Variants in DST observed in about 807,000 individuals in gnomAD.
DST encodes bullous pemphigoid antigen.
Under a neutral mutation model 875.2 loss-of-function variants are expected in DST, and 253 were observed. The observed-to-expected ratio is 0.29, with a 90% CI of 0.26 to 0.32. The LOEUF (loss-of-function observed/expected upper bound fraction) is 0.32. Ranked by LOEUF, DST falls within the 10% of genes least tolerant of loss-of-function variation. The pLI, the probability that DST is intolerant of heterozygous loss-of-function variation, is 1.00. For missense variants in DST, 8,287 were observed against 9,111.6 expected, an observed-to-expected ratio of 0.91 and a Z score of 3.68; for synonymous variants, 3,124 against 3,197.1, an observed-to-expected ratio of 0.98 and a Z score of 0.77.
At chr6:56,839,640 A>G (rs1462289895) in intron 4 of DST, among the ~76,000 whole-genome samples, 1 of 152,200 alleles carries the variant, frequency 6.6e-6, no homozygotes, top group Non-Finnish European at 1.5e-5. Flanking sequence ...CCAATTTTCA[A>G]TTCAAGGGAG....
Position 56,604,688 on chromosome 6 carries a change from A to C in DST, c.9940T>G (p.Leu3314Val), listed in dbSNP as rs747472174. ...CTTTCTTTCTTATTATTAATTTCTAAGAATGAATAGTCAGTATTTAAAGTG... is the reference window on the plus strand; with the variant it reads ...CTTTCTTTCTTATTATTAATTTCTACGAATGAATAGTCAGTATTTAAAGTG... ...SNTLNTDYSF[L>V]EINNKKERIE... The change falls in exon 40 of 104, where the codon TTA becomes GTA. Residue 3314 changes from leucine to valine, a missense_variant. Leu to Val is a conservative substitution (Grantham distance 32, BLOSUM62 1). Coordinates refer to ENST00000680361, the MANE Select transcript of DST (RefSeq NM_001374736.1). 57 of 1,611,736 alleles carry C rather than the reference A, an allele frequency of 3.5e-5. 1 individual carries two copies. Among genetic ancestry groups the C allele is most frequent in the Admixed American group, 1.2e-4 (7 of 59,780 alleles).
At chr6:56,620,914 G>A (rs992172446) in intron 36 of DST, among the ~76,000 whole-genome samples, 12 of 152,228 alleles carry the variant, frequency 7.9e-5, no homozygotes, top group African/African-American at 2.6e-4. Context: ...AACCCTTCAC[G>A]ACAGGTTTTC....
intron 3 of DST, among the ~76,000 whole-genome samples, chr6:56,883,692 C>T (rs1783278631): frequency 6.6e-6 from 1 of 152,068 alleles, no homozygotes; most frequent in South Asian, 2.1e-4. Flanking sequence ...TAGAGAACTG[C>T]CATTTACATG....
At chr6:56,708,910 T>C (rs1033636684) in intron 5 of DST, among the ~76,000 whole-genome samples, 1 of 152,192 alleles carries the variant, frequency 6.6e-6, no homozygotes, top group African/African-American at 2.4e-5. Flanking sequence ...CAGATGACTA[T>C]ACTAACCGCC....
intron 4 of DST, among the ~76,000 whole-genome samples, chr6:56,789,901 T>A (rs1388535094): frequency 6.6e-6 from 1 of 152,244 alleles, no homozygotes; most frequent in Non-Finnish European, 1.5e-5. Flanking sequence ...AACGCTGCTA[T>A]GTACAATATC....
chr6:56,888,911 A>G (rs547927734), intron 3 of DST, among the ~76,000 whole-genome samples: 59 of 152,288 alleles, frequency 3.9e-4, no homozygotes, highest in Non-Finnish European at 7.4e-4. Flanking sequence ...GGAAGGGAAA[A>G]TCTAATGAGT....
In DST at chr6:56,552,757, G is replaced by A. The variant is rs2051782172; in HGVS notation, c.16035C>T (p.Asp5345=). ...ATAAAACATCAGAGGTTCCCTTTGAGTCTGAGGCCTCTACCACAAGGTCCT... is the reference window on the plus strand; with the variant it reads ...ATAAAACATCAGAGGTTCCCTTTGAATCTGAGGCCTCTACCACAAGGTCCT... ...LAQDLVVEAS[D]SKGTSDVLLQ... Residue 5345 remains aspartate (D), a synonymous_variant, in exon 61 of 104, where the codon GAC becomes GAT. Transcript: ENST00000680361. The A allele has an allele frequency of 1.9e-6, 3 of 1,610,178 alleles. No homozygotes were observed. The African/African-American group carries it at 4.0e-5, about 21-fold the overall frequency.
At chr6:56,598,071 C>T in intron 46 of DST, 65 bp from the exon 47 acceptor site, 1 of 1,406,472 alleles carries the variant, frequency 7.1e-7, no homozygotes, top group Non-Finnish European at 9.5e-7. Context: ...TAAGACATTC[C>T]AAAAGTAAAT....
chr6:56,495,586 C>T (rs1055632582), intron 82 of DST, among the ~76,000 whole-genome samples: 1 of 151,748 alleles, frequency 6.6e-6, no homozygotes, highest in South Asian at 2.1e-4. Flanking sequence ...CAAAGCTGTG[C>T]AAGTACTTTC....
chr6:56,594,710 C>A (rs2098341015), intron 47 of DST, among the ~76,000 whole-genome samples: 1 of 151,804 alleles, frequency 6.6e-6, no homozygotes, highest in South Asian at 2.1e-4. Context: ...TTCAGAGAAG[C>A]CCAATGGACA....
At chr6:56,763,118 G>T (rs1321539023) in intron 4 of DST, among the ~76,000 whole-genome samples, 1 of 151,974 alleles carries the variant, frequency 6.6e-6, no homozygotes, top group Non-Finnish European at 1.5e-5. Context: ...CCAAAGTGCT[G>T]GGATTACAGG....
At chr6:56,720,184 G>A (rs1405111152) in intron 5 of DST, among the ~76,000 whole-genome samples, 3 of 152,048 alleles carry the variant, frequency 2.0e-5, no homozygotes, top group African/African-American at 7.2e-5. Context: ...CCTCAGGGTC[G>A]CCTTCTCTTT....
chr6:56,595,121 A>G (rs1044570410), intron 47 of DST, among the ~76,000 whole-genome samples: 2 of 152,064 alleles, frequency 1.3e-5, no homozygotes, highest in South Asian at 2.1e-4. Flanking sequence ...AATTTCCCAC[A>G]TTTCTTATAA....
intron 4 of DST, among the ~76,000 whole-genome samples, chr6:56,763,986 C>T (rs1353993636): frequency 2.6e-5 from 4 of 152,094 alleles, no homozygotes; most frequent in Non-Finnish European, 5.9e-5. Flanking sequence ...TCTAACCTAT[C>T]AGTAGTGATA....
Position 56,629,199 on chromosome 6 carries a change from C to T in DST, c.4475+51G>A, listed in dbSNP as rs115933843. 1.2e-3 allele frequency: 1,890 copies of T among 1,573,326 alleles called. 21 individuals are homozygous for T. In the African/African-American group the frequency reaches 0.023, roughly 19 times the overall value. On this transcript the variant is annotated intron_variant, in intron 32 of 103. Transcript: ENST00000680361. ...ATATGTGTAGATTTTACTCATTTAC[C>T]ATAGATAGACATTAAATCTGTGCTA...
chr6:56,728,683 ATAAT>A (rs770814328), intron 5 of DST, among the ~76,000 whole-genome samples: 2 of 152,244 alleles, frequency 1.3e-5, no homozygotes, highest in African/African-American at 4.8e-5. Flanking sequence ...CTCAAAAAAA[ATAAT>A]TAATTAAATA....
At chr6:56,798,670 C>T (rs868700643) in intron 4 of DST, among the ~76,000 whole-genome samples, 26 of 152,080 alleles carry the variant, frequency 1.7e-4, no homozygotes, top group African/African-American at 5.8e-4. Flanking sequence ...TTAAGAAATA[C>T]ATTTTGTAAG....
At chr6:56,638,213 C>G (rs1192452219) in intron 22 of DST, among the ~76,000 whole-genome samples, 1 of 151,996 alleles carries the variant, frequency 6.6e-6, no homozygotes, top group African/African-American at 2.4e-5. Flanking sequence ...CAGTTTTCAT[C>G]TCTCCACCCT....
chr6:56,577,414 T>C (rs1346811682), intron 50 of DST, among the ~76,000 whole-genome samples: 2 of 152,236 alleles, frequency 1.3e-5, no homozygotes, highest in Admixed American at 6.5e-5. Flanking sequence ...TTTCATTTTA[T>C]ACTTTAAAAC....
Sources: allele counts gnomAD v4.1 joint callset (sites outside exome capture counted in the v4.1 genomes callset), GRCh38; gene constraint gnomAD v4.1.1; transcripts MANE v1.5; gene names NCBI Gene and HGNC (gene_info 2026-07-23, HGNC 2026-07-21).